Variants in NLRC5 observed in about 807,000 individuals in gnomAD.
NLRC5 encodes NLR family CARD domain containing 5.
A neutral mutation model predicts 206.9 loss-of-function variants in NLRC5; 114 were observed. The observed-to-expected ratio is 0.55, with a 90% CI of 0.47 to 0.64. NLRC5 has a LOEUF of 0.64. NLRC5 is among the 30% of genes least tolerant of loss of function. The pLI, the probability that NLRC5 is intolerant of heterozygous loss-of-function variation, is 0.00. For synonymous variants in NLRC5, 952 were observed against 962.8 expected, an observed-to-expected ratio of 0.99 and a Z score of 0.21; for missense variants, 2,008 against 2,305.5, an observed-to-expected ratio of 0.87 and a Z score of 2.64.
At chr16:57,022,795 C>T (rs555334271) in intron 4 of NLRC5, among the ~76,000 whole-genome samples, 14 of 152,256 alleles carry the variant, frequency 9.2e-5, no homozygotes, top group African/African-American at 1.4e-4. Context: ...CCTACTGATT[C>T]GTGGGTCACA....
At chr16:57,041,284 A>C (rs1382581848) in intron 17 of NLRC5, 6 of 549,796 alleles carry the variant, frequency 1.1e-5, no homozygotes, top group Non-Finnish European at 1.6e-5. Context: ...GTCTCTGCCC[A>C]CCCTCTGCCT....
In NLRC5 at chr16:57,020,855, T is replaced by C; in HGVS notation, c.143T>C (p.Leu48Ser). The stretch of plus-strand genomic sequence containing the variant: ...GACCTGGATTCCAGGAACGAGACCT[T>C]GGACCCTGAACAGAGAGTCATCCTG... ...NTDLDSRNET[L>S]DPEQRVILQL... The change falls in exon 3 of 49, where the codon TTG (leucine) becomes TCG (serine). Residue 48 changes from leucine (L) to serine (S), a missense_variant. By Grantham distance (145) the Leu-to-Ser change is moderately radical (BLOSUM62 -2). Transcript: ENST00000688547. The C allele has an allele frequency of 1.2e-6, 2 of 1,613,654 alleles. No homozygotes were observed. Among genetic ancestry groups the C allele is most frequent in the Non-Finnish European group, 1.7e-6 (2 of 1,179,928 alleles).
At chr16:57,055,603 C>A in intron 27 of NLRC5, 84 bp downstream of exon 27, 1 of 1,072,224 alleles carries the variant, frequency 9.3e-7, no homozygotes. Context: ...TCCGTGTGTG[C>A]ACATACACTC....
In NLRC5 at chr16:57,079,115, C is replaced by A. The variant is rs373485177; in HGVS notation, c.5147C>A (p.Pro1716His). 6.2e-7 allele frequency: 1 copy of A among 1,614,036 alleles called. No homozygotes were observed. Among genetic ancestry groups the A allele is most frequent in the African/African-American group, 1.3e-5 (1 of 74,938 alleles). Reference sequence around the variant, plus strand: ...CTGGCCCAGGCCCTGGATGGATCCCCCCATTTGGAAGAGATCAGGTAAGTA... The same window carrying A: ...CTGGCCCAGGCCCTGGATGGATCCCACCATTTGGAAGAGATCAGGTAAGTA... The part of the protein sequence containing the change: ...LSLAQALDGS[P>H]HLEEISLAEN... Residue 1716 changes from proline to histidine, a missense_variant, in exon 44 of 49, where the codon CCC (proline) becomes CAC (histidine). Pro to His is a moderately conservative substitution (Grantham distance 77). Transcript: ENST00000688547.
chr16:57,061,959 A>G (rs777514192), intron 32 of NLRC5: 9 of 1,507,814 alleles, frequency 6.0e-6, no homozygotes, highest in Non-Finnish European at 8.0e-6. Context: ...AGAAGGTTTC[A>G]GAGGATACTG....
chr16:57,028,189 A>T (rs761477898), intron 7 of NLRC5, 34 bp downstream of exon 7: 2 of 1,591,878 alleles, frequency 1.3e-6, no homozygotes, highest in South Asian at 1.1e-5. Flanking sequence ...AAGGGTCTTC[A>T]GCTGGGGATG....
intron 1 of NLRC5, among the ~76,000 whole-genome samples, chr16:57,005,549 A>T (rs2058799573): frequency 6.6e-6 from 1 of 152,024 alleles, no homozygotes; most frequent in Admixed American, 6.6e-5. Flanking sequence ...GGTTTGAATG[A>T]CAACTCGTAT....
At chr16:57,011,801 T>C (rs2059537325) in intron 1 of NLRC5, among the ~76,000 whole-genome samples, 1 of 152,194 alleles carries the variant, frequency 6.6e-6, no homozygotes, top group South Asian at 2.1e-4. Context: ...TTTCGTTTTG[T>C]TTGTTGCCAT....
rs936389335 is a variant in NLRC5 at position 57,039,991 on chromosome 16, C to T, written c.2870+142C>T. On this transcript the variant is annotated intron_variant, in intron 16 of 48. Transcript: ENST00000688547. ...AAGAGCGGGAAGTGAGCAGGCTTGG[C>T]AAAGGATGCAGCCCCAAAGGGGGAG... The T allele has an allele frequency of 6.6e-6, 5 of 759,916 alleles. No individual in the cohort carries two copies. The African/African-American group carries it at 7.0e-5, about 11-fold the overall frequency. The allele number at this position is 759,916 out of a possible 1,614,324, so 47.1% of individuals were successfully genotyped here. A position where few individuals can be genotyped will look rare whatever the true frequency, so the allele number is the denominator to read the frequency against.
intron 1 of NLRC5, among the ~76,000 whole-genome samples, chr16:56,991,704 T>C (rs541619880): frequency 2.2e-4 from 26 of 119,438 alleles, no homozygotes; most frequent in African/African-American, 6.7e-4. Flanking sequence ...TTTTTTTTAA[T>C]AGACATGAGG....
At chr16:57,010,571 C>A (rs1317869650) in intron 1 of NLRC5, among the ~76,000 whole-genome samples, 1 of 152,112 alleles carries the variant, frequency 6.6e-6, no homozygotes, top group Non-Finnish European at 1.5e-5. Context: ...CTGAGTTGCA[C>A]AATGTAGCCC....
Position 57,020,901 on chromosome 16 carries a change from C to T in NLRC5, c.189C>T (p.Val63=), listed in dbSNP as rs766403859. ...RVILQLNKLH[V]QGSDTWQSFI... Reference sequence around the variant, plus strand: ...TCCTGCAACTCAACAAGCTGCATGTCCAGGGTTCGGACACCTGGCAGTCTT... The same window carrying T: ...TCCTGCAACTCAACAAGCTGCATGTTCAGGGTTCGGACACCTGGCAGTCTT... Residue 63 remains valine, a synonymous_variant, in exon 3 of 49, where the codon GTC becomes GTT. Coordinates refer to ENST00000688547, the MANE Select transcript of NLRC5 (RefSeq NM_001384950.1). 3 of 1,613,944 alleles carry T rather than the reference C, an allele frequency of 1.9e-6. No individual in the cohort carries two copies. The South Asian group carries it at 3.3e-5, about 18-fold the overall frequency.
intron 6 of NLRC5, among the ~76,000 whole-genome samples, chr16:57,027,841 G>C (rs980804501): frequency 3.9e-5 from 6 of 152,238 alleles, no homozygotes; most frequent in African/African-American, 1.4e-4. Context: ...ACACTGAGCT[G>C]CAAGGGAGGC....
Position 57,029,836 on chromosome 16 carries a change from A to G in NLRC5, c.2307A>G (p.Leu769=), listed in dbSNP as rs1266293266. The change falls in exon 9 of 49, where the codon CTA becomes CTG. Residue 769 remains leucine (L), a synonymous_variant. Coordinates refer to ENST00000688547, the MANE Select transcript of NLRC5 (RefSeq NM_001384950.1). ...VLNIVEVLPH[L]PRLRKLDLSS... ...ACATTGTGGAGGTTCTCCCTCACCT[A>G]CCACGGCTCCGGAAGCTTGAGTAAG... The G allele has an allele frequency of 4.3e-6, 7 of 1,614,106 alleles. No individual in the cohort carries two copies. The South Asian group carries it at 7.7e-5, about 18-fold the overall frequency.
intron 43 of NLRC5, among the ~76,000 whole-genome samples, chr16:57,078,463 C>CTTTTTTTTTTTTTTTT (rs1567650358): frequency 8.1e-6 from 1 of 123,882 alleles, no homozygotes; most frequent in African/African-American, 3.6e-5. Context: ...GTGCTGGGAC[C>CTTTTTTTTTTTTTTTT]TTGTTTTTTT....
In NLRC5 at chr16:57,022,125, G is replaced by A. The variant is rs181346741; in HGVS notation, c.296-131G>A. 4.4e-4 allele frequency: 280 copies of A among 632,476 alleles called. 1 individual carries two copies. The African/African-American group carries it at 4.6e-3, about 10-fold the overall frequency. 39.2% of individuals were successfully genotyped at this position (632,476 alleles called of 1,614,324 possible). On this transcript the variant is annotated intron_variant, in intron 3 of 48. Transcript: ENST00000688547. The stretch of plus-strand genomic sequence containing the variant: ...CATTTTCTCCACAACAGATAACTGA[G>A]TGTTCCATTTAGTTCTCCCTTGCTG...
rs1219643837 is a variant in NLRC5 at position 57,025,864 on chromosome 16, T to A, written c.921T>A (p.Asp307Glu). Residue 307 changes from aspartate to glutamate, a missense_variant, in exon 6 of 49, where the codon GAT (aspartate) becomes GAA (glutamate). Asp to Glu is a conservative substitution (Grantham distance 45, BLOSUM62 2). Coordinates refer to ENST00000688547, the MANE Select transcript of NLRC5 (RefSeq NM_001384950.1). ...KNADQVLLIF[D>E]GLDEALQPMG... ...CTGACCAAGTCCTGCTGATCTTTGA[T>A]GGGCTAGATGAGGCCCTCCAGCCTA... 6.2e-7 allele frequency: 1 copy of A among 1,614,266 alleles called. No homozygotes were observed. The highest frequency in any genetic ancestry group is 8.5e-7 in the Non-Finnish European group (1 of 1,180,046).
At chr16:57,021,786 C>T (rs2142958883) in intron 3 of NLRC5, among the ~76,000 whole-genome samples, 1 of 152,294 alleles carries the variant, frequency 6.6e-6, no homozygotes, top group Middle Eastern at 3.4e-3. Context: ...GTTTGCACAG[C>T]ACTGAGGGGA....
intron 1 of NLRC5, among the ~76,000 whole-genome samples, chr16:57,010,988 G>A (rs184399291): frequency 1.3e-5 from 2 of 152,172 alleles, no homozygotes; most frequent in African/African-American, 4.8e-5. Context: ...AGGCTCTCCT[G>A]TCCCAGCAGG....
Sources: gnomAD v4.1 joint callset for allele counts (sites outside exome capture counted in the v4.1 genomes callset) on GRCh38, gnomAD v4.1.1 for gene constraint, MANE v1.5 for transcripts, NCBI Gene and HGNC (gene_info 2026-07-23, HGNC 2026-07-21) for gene names.